The following ADARB2 variants were observed in gnomAD, a reference collection of about 807,000 sequenced individuals.
ADARB2 encodes inactive double-stranded RNA-specific editase B2.
Under a neutral mutation model 62.2 loss-of-function variants are expected in ADARB2, and 25 were observed. The ratio of observed to expected loss-of-function variants is 0.40; its 90% CI spans 0.29 to 0.56. The LOEUF is 0.56. ADARB2 is among the 20% of genes least tolerant of loss of function. The pLI is 0.43. For missense variants in ADARB2, 1,071 were observed against 1,077.4 expected, an observed-to-expected ratio of 0.99 and a Z score of 0.08; for synonymous variants, 572 against 500.8, an observed-to-expected ratio of 1.14 and a Z score of -1.90.
chr10:1,621,510 G>A (rs1322548461), intron 1 of ADARB2, among the ~76,000 whole-genome samples: 1 of 151,650 alleles, frequency 6.6e-6, no homozygotes, highest in African/African-American at 2.4e-5. Context: ...CGGCCTCCCA[G>A]GCTCGAGTGG....
At chr10:1,350,964 C>T (rs1043459071) in intron 3 of ADARB2, among the ~76,000 whole-genome samples, 8 of 152,198 alleles carry the variant, frequency 5.3e-5, no homozygotes, top group African/African-American at 1.4e-4. Flanking sequence ...AGAACTGGAA[C>T]GCCTGAACCG....
chr10:1,673,393 G>A (rs1457669765), intron 1 of ADARB2, among the ~76,000 whole-genome samples: 1 of 151,838 alleles, frequency 6.6e-6, no homozygotes, highest in Non-Finnish European at 1.5e-5. Context: ...TATGGTCAAA[G>A]TCTGGGACTT....
chr10:1,270,769 T>C (rs183808301), intron 4 of ADARB2, among the ~76,000 whole-genome samples, 186 bp downstream of exon 4: 3 of 152,322 alleles, frequency 2.0e-5, no homozygotes, highest in African/African-American at 7.2e-5. Context: ...CACAGCACCA[T>C]GGTCAGGATG....
intron 1 of ADARB2, among the ~76,000 whole-genome samples, chr10:1,609,216 C>T (rs1833536574): frequency 1.3e-5 from 2 of 152,196 alleles, no homozygotes; most frequent in South Asian, 2.1e-4. Context: ...CTGCCTCACA[C>T]GTCCGGGTTT....
chr10:1,697,757 G>T (rs1272275447), intron 1 of ADARB2, among the ~76,000 whole-genome samples: 1 of 152,144 alleles, frequency 6.6e-6, no homozygotes, highest in Non-Finnish European at 1.5e-5. Context: ...TGGGGCCCGT[G>T]ACCTGAGCAC....
chr10:1,696,976 T>G (rs1834754838), intron 1 of ADARB2, among the ~76,000 whole-genome samples: 1 of 152,090 alleles, frequency 6.6e-6, no homozygotes, highest in African/African-American at 2.4e-5. Flanking sequence ...TTGTGATTTT[T>G]TTTTTTTAGC....
At chr10:1,581,631 AGT>A (rs1444426264) in intron 1 of ADARB2, among the ~76,000 whole-genome samples, 2 of 152,148 alleles carry the variant, frequency 1.3e-5, no homozygotes, top group Admixed American at 1.3e-4. Flanking sequence ...TTGAGTATTA[AGT>A]GTGTGTGTGT....
chr10:1,226,118 C>A (rs965682246), intron 6 of ADARB2, among the ~76,000 whole-genome samples: 1 of 152,108 alleles, frequency 6.6e-6, no homozygotes. Context: ...TCTTTTTATT[C>A]TTTTTTCTCT....
At chr10:1,428,594 C>T (rs538113204) in intron 1 of ADARB2, among the ~76,000 whole-genome samples, 3 of 152,122 alleles carry the variant, frequency 2.0e-5, no homozygotes, top group East Asian at 3.9e-4. Flanking sequence ...GCCTTTTATT[C>T]CTTTTATATG....
At chr10:1,191,208 T>C (rs1374907011) in intron 8 of ADARB2, among the ~76,000 whole-genome samples, 1 of 152,242 alleles carries the variant, frequency 6.6e-6, no homozygotes, top group Non-Finnish European at 1.5e-5. Context: ...TCTTTCCCTC[T>C]GGACCTTCTG....
chr10:1,228,793 G>T (rs968425220), intron 6 of ADARB2, among the ~76,000 whole-genome samples: 1 of 152,236 alleles, frequency 6.6e-6, no homozygotes, highest in Non-Finnish European at 1.5e-5. Context: ...GGGGAGTCCA[G>T]CCATAAGCTC....
chr10:1,603,100 AAC>A (rs1246623107), intron 1 of ADARB2, among the ~76,000 whole-genome samples: 1 of 149,748 alleles, frequency 6.7e-6, no homozygotes, highest in Admixed American at 6.6e-5. Context: ...TACACACATC[AAC>A]ACACACACCT....
chr10:1,689,049 C>T lies in ADARB2; in HGVS notation c.100+48002G>A, dbSNP rs138238518. Among the ~76,000 whole-genome samples, 19 of 152,214 alleles carry T rather than the reference C, an allele frequency of 1.2e-4. No individual in the cohort carries two copies. The East Asian group carries it at 2.5e-3, about 20-fold the overall frequency. On this transcript the variant is annotated intron_variant, in intron 1 of 9. Transcript: ENST00000381312. ...TAAGAAGAATTTCCCAAGACAGGTG[C>T]CAGCAAAGAAAGGCAGATTTGTTAG...
chr10:1,355,054 A>G (rs1159929319), intron 3 of ADARB2, among the ~76,000 whole-genome samples: 1 of 152,138 alleles, frequency 6.6e-6, no homozygotes, highest in Non-Finnish European at 1.5e-5. Context: ...TGTGTTCAGG[A>G]GTCTCCAACC....
intron 1 of ADARB2, among the ~76,000 whole-genome samples, chr10:1,608,585 A>C (rs954699911): frequency 6.7e-6 from 1 of 149,908 alleles, no homozygotes; most frequent in Non-Finnish European, 1.5e-5. Flanking sequence ...AGGAGAGAGG[A>C]AGGAAAAAAG....
Position 1,272,831 on chromosome 10 carries a change from G to C in ADARB2, c.1078-1762C>G, listed in dbSNP as rs552766889. ...GCTGCTGGAAAAATACCCTTAACTG[G>C]GGGTCTTTAAACAACAGGGATTCAT... On this transcript the variant is annotated intron_variant, in intron 3 of 9. Transcript: ENST00000381312. 1.5e-4 allele frequency among the ~76,000 whole-genome samples: 23 copies of C among 152,276 alleles called. No individual in the cohort carries two copies. In the East Asian group the frequency reaches 3.5e-3, roughly 23 times the overall value.
chr10:1,410,224 C>T (rs371198692), intron 1 of ADARB2, among the ~76,000 whole-genome samples: 166 of 131,348 alleles, frequency 1.3e-3, no homozygotes, highest in African/African-American at 4.6e-3. Flanking sequence ...GGGGCCTGGC[C>T]GTGGTCATGG....
chr10:1,241,906 G>C (rs1288419398), intron 5 of ADARB2, among the ~76,000 whole-genome samples: 1 of 152,230 alleles, frequency 6.6e-6, no homozygotes, highest in Non-Finnish European at 1.5e-5. Context: ...GGGAAACGTG[G>C]AGTAAGGAGG....
In ADARB2 at chr10:1,699,281, AAT is replaced by A. The variant is rs1473392627; in HGVS notation, c.100+37768_100+37769del. Among the ~76,000 whole-genome samples, 64 of 45,416 alleles carry A rather than the reference AAT, an allele frequency of 1.4e-3. 23 individuals are homozygous for A. The highest frequency in any genetic ancestry group is 9.4e-3 in the Middle Eastern group (1 of 106). 29.8% of individuals were successfully genotyped at this position (45,416 alleles called of 152,430 possible). A position where few individuals can be genotyped will look rare whatever the true frequency, so the allele number is the denominator to read the frequency against. On this transcript the variant is annotated intron_variant, in intron 1 of 9. Transcript: ENST00000381312. The stretch of plus-strand genomic sequence containing the variant: ...TCCACCGGGAGACCGGGCACTCGCC[AAT>A]ACACGCAATCCCACTCCACCGGGAG...
Sources: allele counts gnomAD v4.1 joint callset (sites outside exome capture counted in the v4.1 genomes callset), GRCh38; gene constraint gnomAD v4.1.1; transcripts MANE v1.5; gene names NCBI Gene and HGNC (gene_info 2026-07-23, HGNC 2026-07-21).